The following PTPRD variants were observed in gnomAD, a reference collection of about 807,000 sequenced individuals.
PTPRD encodes the protein protein tyrosine phosphatase receptor type D.
Under a neutral mutation model 214.5 loss-of-function variants are expected in PTPRD, and 34 were observed. The observed-to-expected ratio is 0.16, with a 90% confidence interval of 0.12 to 0.21. The LOEUF is 0.21. Among genes scored for constraint, PTPRD ranks in the 10% least tolerant of loss-of-function variants. PTPRD has a pLI of 1.00. For synonymous variants in PTPRD, 1,128 were observed against 845.7 expected, an observed-to-expected ratio of 1.33 and a Z score of -5.79; for missense variants, 2,545 against 2,398.7, an observed-to-expected ratio of 1.06 and a Z score of -1.27.
chr9:9,797,862 A>T (rs1323559976), intron 5 of PTPRD, among the ~76,000 whole-genome samples: 1 of 152,214 alleles, frequency 6.6e-6, no homozygotes, highest in African/African-American at 2.4e-5. Flanking sequence ...AAAATAAAAA[A>T]TAAAAAAAAT....
intron 3 of PTPRD, among the ~76,000 whole-genome samples, chr9:10,263,675 A>G (rs1424666794): frequency 6.6e-6 from 1 of 152,194 alleles, no homozygotes; most frequent in Non-Finnish European, 1.5e-5. Context: ...CTGACAATGC[A>G]ATAGACAAGC....
At chr9:9,777,656 C>G (rs2098809000) in intron 5 of PTPRD, among the ~76,000 whole-genome samples, 1 of 152,262 alleles carries the variant, frequency 6.6e-6, no homozygotes, top group South Asian at 2.1e-4. Context: ...ATCATCACAT[C>G]ACTGCACTGT....
intron 14 of PTPRD, among the ~76,000 whole-genome samples, chr9:8,617,278 T>C (rs1341370780): frequency 2.6e-5 from 4 of 152,020 alleles, no homozygotes; most frequent in African/African-American, 9.7e-5. Context: ...AATGAAGATG[T>C]CTACTCAGTG....
intron 5 of PTPRD, among the ~76,000 whole-genome samples, chr9:9,885,855 C>T (rs548443469): frequency 1.3e-5 from 2 of 151,316 alleles, no homozygotes; most frequent in South Asian, 4.2e-4. Flanking sequence ...ACAGCCACAA[C>T]AGGTTAAAAA....
chr9:9,459,988 A>G (rs910629994), intron 8 of PTPRD, among the ~76,000 whole-genome samples: 8 of 152,142 alleles, frequency 5.3e-5, no homozygotes, highest in South Asian at 2.1e-4. Flanking sequence ...AACTGGTACA[A>G]AAATAGACAC....
intron 11 of PTPRD, among the ~76,000 whole-genome samples, chr9:8,992,182 A>G (rs571204170): frequency 6.6e-6 from 1 of 152,296 alleles, no homozygotes; most frequent in South Asian, 2.1e-4. Flanking sequence ...CTGAATGGCT[A>G]TAGAAGGAAA....
chr9:10,085,868 T>C (rs931846433), intron 3 of PTPRD, among the ~76,000 whole-genome samples: 5 of 151,900 alleles, frequency 3.3e-5, no homozygotes, highest in Non-Finnish European at 5.9e-5. Context: ...TTTCAGTATA[T>C]TTCAGGGCAG....
chr9:8,404,311 T>C (rs950710387), intron 36 of PTPRD, among the ~76,000 whole-genome samples: 1 of 152,028 alleles, frequency 6.6e-6, no homozygotes, highest in African/African-American at 2.4e-5. Flanking sequence ...GTATTCTCAG[T>C]AGAGATGGGT....
chr9:9,142,602 G>C (rs1468359856), intron 10 of PTPRD, among the ~76,000 whole-genome samples: 1 of 152,150 alleles, frequency 6.6e-6, no homozygotes, highest in Non-Finnish European at 1.5e-5. Flanking sequence ...TTCATTGCAT[G>C]TTTAAGCTTA....
At chr9:9,140,726 C>G (rs1011100838) in intron 10 of PTPRD, among the ~76,000 whole-genome samples, 1 of 152,130 alleles carries the variant, frequency 6.6e-6, no homozygotes, top group Non-Finnish European at 1.5e-5. Flanking sequence ...CTACAGGTGC[C>G]CGCCACCACG....
intron 5 of PTPRD, among the ~76,000 whole-genome samples, chr9:9,900,641 G>GTTTGGTTTTGTTTTTT (rs1555302233): frequency 8.3e-6 from 1 of 120,086 alleles, no homozygotes; most frequent in African/African-American, 3.1e-5. Flanking sequence ...ACATTTTCAG[G>GTTTGGTTTTGTTTTTT]TTTTTTTTTT....
chr9:8,741,072 C>T (rs1463920606), intron 11 of PTPRD, among the ~76,000 whole-genome samples: 1 of 152,110 alleles, frequency 6.6e-6, no homozygotes, highest in Non-Finnish European at 1.5e-5. Flanking sequence ...TGTAAGATAT[C>T]AAGTGGCTTT....
rs572799921 is a variant in PTPRD, at chr9:9,941,068, A to G, written c.-471-2458T>C. 3.3e-5 allele frequency among the ~76,000 whole-genome samples: 5 copies of G among 152,228 alleles called. No homozygotes were observed. In the South Asian group the frequency reaches 6.2e-4, roughly 19 times the overall value. On this transcript the variant is annotated intron_variant, in intron 4 of 45. Transcript: ENST00000381196. ...ACTAACACTAATGACAGCTGATGAG[A>G]AAAAGAAAATTCCAAAAAAATCTCA...
intron 30 of PTPRD, among the ~76,000 whole-genome samples, chr9:8,472,711 A>C (rs2096678563): frequency 7.3e-6 from 1 of 136,340 alleles, no homozygotes; most frequent in Admixed American, 7.0e-5. Flanking sequence ...AGGTTAAATA[A>C]AATAAATTAT....
intron 8 of PTPRD, among the ~76,000 whole-genome samples, chr9:9,560,921 C>G (rs531109327): frequency 2.6e-5 from 4 of 152,066 alleles, no homozygotes; most frequent in East Asian, 1.9e-4. Context: ...TTTCTGGGCA[C>G]GAGCAAGCCG....
At chr9:9,283,647 C>A (rs549641038) in intron 9 of PTPRD, among the ~76,000 whole-genome samples, 1 of 151,536 alleles carries the variant, frequency 6.6e-6, no homozygotes, top group South Asian at 2.1e-4. Flanking sequence ...ATTAAGTGAA[C>A]TGCATTTGAG....
At chr9:8,383,615 A>G (rs534968019) in intron 37 of PTPRD, among the ~76,000 whole-genome samples, 1 of 152,186 alleles carries the variant, frequency 6.6e-6, no homozygotes, top group Non-Finnish European at 1.5e-5. Flanking sequence ...CTTGGAAACC[A>G]AGAATTAGGA....
At chr9:8,394,876 G>T (rs556772661) in intron 36 of PTPRD, among the ~76,000 whole-genome samples, 1 of 152,070 alleles carries the variant, frequency 6.6e-6, no homozygotes, top group Non-Finnish European at 1.5e-5. Context: ...TAAACAAAAA[G>T]CAAGAGGAAG....
intron 2 of PTPRD, among the ~76,000 whole-genome samples, chr9:10,522,024 T>C (rs1466806963): frequency 6.6e-6 from 1 of 152,106 alleles, no homozygotes; most frequent in Non-Finnish European, 1.5e-5. Flanking sequence ...AAGGGATGTA[T>C]ACATATGTGT....
Sources: allele counts gnomAD v4.1 joint callset (sites outside exome capture counted in the v4.1 genomes callset), GRCh38; gene constraint gnomAD v4.1.1; transcripts MANE v1.5; gene names NCBI Gene and HGNC (gene_info 2026-07-23, HGNC 2026-07-21).